RBFOX1: variants seen among roughly 807,000 people sequenced by gnomAD.
RBFOX1 encodes RNA binding protein fox-1 homolog 1.
Under a neutral mutation model 57.7 loss-of-function variants are expected in RBFOX1, and 8 were observed. The ratio of observed to expected loss-of-function variants is 0.14; its 90% CI spans 0.08 to 0.25. RBFOX1 has a LOEUF of 0.25. RBFOX1 is among the 10% of genes least tolerant of loss of function. The pLI is 1.00. For synonymous variants in RBFOX1, 326 were observed against 222.4 expected, an observed-to-expected ratio of 1.47 and a Z score of -4.15; for missense variants, 611 against 548.5, an observed-to-expected ratio of 1.11 and a Z score of -1.14.
chr16:6,790,534 G>T (rs1416649751), intron 3 of RBFOX1, among the ~76,000 whole-genome samples: 1 of 152,044 alleles, frequency 6.6e-6, no homozygotes, highest in African/African-American at 2.4e-5. Context: ...GCAAAGTGTG[G>T]TTCTCCTTTC....
At chr16:6,808,018 A>G (rs932308581) in intron 3 of RBFOX1, among the ~76,000 whole-genome samples, 3 of 150,606 alleles carry the variant, frequency 2.0e-5, no homozygotes, top group African/African-American at 7.3e-5. Context: ...TATAATATGC[A>G]AATTATACCT....
At chr16:6,736,308 C>G (rs1351840763) in intron 3 of RBFOX1, among the ~76,000 whole-genome samples, 2 of 152,032 alleles carry the variant, frequency 1.3e-5, no homozygotes, top group African/African-American at 4.8e-5. Flanking sequence ...ATCCCTCACC[C>G]CTCTACTCTT....
intron 1 of RBFOX1, among the ~76,000 whole-genome samples, chr16:6,087,767 C>G (rs1162491768): frequency 6.6e-6 from 1 of 152,024 alleles, no homozygotes; most frequent in African/African-American, 2.4e-5. Flanking sequence ...ATTCTCCTGC[C>G]TCAGCCTCCC....
chr16:6,562,368 G>A (rs915921189), intron 2 of RBFOX1, among the ~76,000 whole-genome samples: 8 of 152,200 alleles, frequency 5.3e-5, no homozygotes, highest in African/African-American at 1.9e-4. Flanking sequence ...GAGTGAAATA[G>A]TATCCATAAA....
intron 4 of RBFOX1, among the ~76,000 whole-genome samples, chr16:7,127,175 A>T (rs1178425076): frequency 6.6e-6 from 1 of 152,112 alleles, no homozygotes; most frequent in Non-Finnish European, 1.5e-5. Context: ...AGAGAAAGAA[A>T]AGTCTCTGTG....
At chr16:6,556,056 T>C (rs1407357349) in intron 2 of RBFOX1, among the ~76,000 whole-genome samples, 2 of 152,184 alleles carry the variant, frequency 1.3e-5, no homozygotes, top group African/African-American at 2.4e-5. Context: ...TTGAGACTAG[T>C]GAAACTCCCA....
intron 3 of RBFOX1, among the ~76,000 whole-genome samples, chr16:5,760,382 A>C (rs183100107): frequency 6.6e-6 from 1 of 152,092 alleles, no homozygotes; most frequent in Admixed American, 6.5e-5. Flanking sequence ...ACACACGTAT[A>C]TACATATACA....
In RBFOX1 at chr16:6,634,813, A is replaced by G. The variant is rs1468762697; in HGVS notation, c.-63-19790A>G. ...AGATATACATATATTTGTATTATAT[A>G]TAATACAAAGATATACATATATTTG... On this transcript the variant is annotated intron_variant, in intron 2 of 15. Coordinates refer to ENST00000550418, the MANE Select transcript of RBFOX1 (RefSeq NM_018723.4). Among the ~76,000 whole-genome samples, 3 of 140,066 alleles carry G rather than the reference A, an allele frequency of 2.1e-5. No individual in the cohort carries two copies. The East Asian group carries it at 6.2e-4, about 29-fold the overall frequency. 91.9% of individuals were successfully genotyped at this position (140,066 alleles called of 152,430 possible). A position where few individuals can be genotyped will look rare whatever the true frequency, so the allele number is the denominator to read the frequency against.
At chr16:6,798,468 G>A (rs1282689162) in intron 3 of RBFOX1, among the ~76,000 whole-genome samples, 6 of 152,140 alleles carry the variant, frequency 3.9e-5, no homozygotes, top group Admixed American at 2.6e-4. Context: ...AATTCAGAAT[G>A]GCAGGGAGCT....
rs1467386930 is a variant in RBFOX1 at position 5,979,698 on chromosome 16, C to G, written c.351+112363C>G. 3.3e-5 allele frequency among the ~76,000 whole-genome samples: 5 copies of G among 152,238 alleles called. No homozygotes were observed. The East Asian group carries it at 5.8e-4, about 18-fold the overall frequency. On this transcript the variant is annotated intron_variant, in intron 4 of 19. Coordinates refer to the RBFOX1 transcript ENST00000641259. Reference sequence around the variant, plus strand: ...TCAACATGGTGAAACCCCATCTCTACTAAAAATACAAAAATTAGCTAGGTG... The same window carrying G: ...TCAACATGGTGAAACCCCATCTCTAGTAAAAATACAAAAATTAGCTAGGTG...
At chr16:7,421,402 G>A (rs2098541463) in intron 4 of RBFOX1, among the ~76,000 whole-genome samples, 1 of 152,156 alleles carries the variant, frequency 6.6e-6, no homozygotes, top group Admixed American at 6.5e-5. Flanking sequence ...ATCTAGGACT[G>A]TTTATATTCA....
At chr16:5,462,671 A>G (rs79492978) in intron 1 of RBFOX1, among the ~76,000 whole-genome samples, 6 of 152,174 alleles carry the variant, frequency 3.9e-5, no homozygotes, top group Non-Finnish European at 5.9e-5. Context: ...ATTATGATGC[A>G]TCCATGGCAT....
At chr16:7,440,022 G>A (rs2098754106) in intron 4 of RBFOX1, among the ~76,000 whole-genome samples, 1 of 144,444 alleles carries the variant, frequency 6.9e-6, no homozygotes, top group African/African-American at 2.6e-5. Context: ...TGAGATCACA[G>A]CTCACAGCAG....
At chr16:6,746,140 A>G (rs2073562630) in intron 3 of RBFOX1, among the ~76,000 whole-genome samples, 5 of 152,166 alleles carry the variant, frequency 3.3e-5, no homozygotes, top group Non-Finnish European at 5.9e-5. Flanking sequence ...ATATGTGAGC[A>G]TACAGGCCAA....
chr16:5,821,788 C>T (rs1468560671), intron 3 of RBFOX1, among the ~76,000 whole-genome samples: 1 of 152,148 alleles, frequency 6.6e-6, no homozygotes, highest in Non-Finnish European at 1.5e-5. Context: ...GAGGGCTGCC[C>T]TCTTAGCATC....
At chr16:6,052,200 C>A (rs2095559175) in intron 1 of RBFOX1, among the ~76,000 whole-genome samples, 1 of 152,136 alleles carries the variant, frequency 6.6e-6, no homozygotes, top group South Asian at 2.1e-4. Context: ...AGTCCCATAA[C>A]CTGCTTCTTC....
intron 4 of RBFOX1, among the ~76,000 whole-genome samples, chr16:7,081,003 C>T (rs1055711374): frequency 6.6e-6 from 1 of 152,202 alleles, no homozygotes; most frequent in East Asian, 1.9e-4. Flanking sequence ...CCCTCCTCAG[C>T]CCTTGCGAGT....
At chr16:5,793,315 G>T (rs1270817116) in intron 3 of RBFOX1, among the ~76,000 whole-genome samples, 3 of 152,222 alleles carry the variant, frequency 2.0e-5, no homozygotes, top group African/African-American at 7.2e-5. Context: ...GCTTAACCGT[G>T]TTTGTTTCTG....
At chr16:6,218,142 C>T (rs1005008353) in intron 1 of RBFOX1, among the ~76,000 whole-genome samples, 1 of 152,106 alleles carries the variant, frequency 6.6e-6, no homozygotes, top group Non-Finnish European at 1.5e-5. Context: ...TTATTTTTAA[C>T]CAGATCATTT....
Sources: gnomAD v4.1 joint callset for allele counts (sites outside exome capture counted in the v4.1 genomes callset) on GRCh38, gnomAD v4.1.1 for gene constraint, MANE v1.5 for transcripts, NCBI Gene and HGNC (gene_info 2026-07-23, HGNC 2026-07-21) for gene names.